RIC1: variants seen among roughly 807,000 people sequenced by gnomAD.
RIC1 encodes guanine nucleotide exchange factor subunit RIC1.
In RIC1, 88 loss-of-function variants were observed where a neutral mutation model predicts 169.0. The observed-to-expected ratio is 0.52, with a 90% confidence interval of 0.44 to 0.62. The LOEUF is 0.62. Among genes scored for constraint, RIC1 ranks in the 20% least tolerant of loss-of-function variants. RIC1 has a pLI of 0.00. For missense variants in RIC1, 1,877 were observed against 1,725.5 expected (o/e 1.09, Z -1.56); for synonymous variants, 790 against 601.5 (o/e 1.31, Z -4.59).
intron 2 of RIC1, among the ~76,000 whole-genome samples, chr9:5,659,370 C>T (rs1033807200): frequency 3.9e-5 from 6 of 152,082 alleles, no homozygotes; most frequent in Non-Finnish European, 8.8e-5. Context: ...GGATATAAGT[C>T]ATGTCAACCC....
In RIC1 at chr9:5,774,220, G is replaced by A. The variant is rs1479556899; in HGVS notation, c.4246G>A (p.Gly1416Arg). The A allele has an allele frequency of 4.3e-6, 7 of 1,612,228 alleles. No individual in the cohort carries two copies. Among genetic ancestry groups the A allele is most frequent in the Non-Finnish European group, 5.9e-6 (7 of 1,179,054 alleles). The part of the protein sequence containing the change: ...QAEEEEPFQD[G>R]TYDCSVS ...AGAGGAGGAAGAACCTTTTCAGGAT[G>A]GGACTTACGACTGTTCTGTGTCCTA... Residue 1416 changes from glycine (G) to arginine (R), a missense_variant, in exon 26 of 26, where the codon GGG becomes AGG. Around this residue, in one of 3 missense-constraint regions of RIC1, gnomAD observed 681 missense variants for 582.0 expected, o/e 1.17. Coordinates refer to ENST00000414202, the MANE Select transcript of RIC1 (RefSeq NM_020829.4).
Position 5,774,659 on chromosome 9 carries a change from C to G in RIC1, c.*413C>G, listed in dbSNP as rs750955765. ...TAAATGCTAAGGTGCTTGCTATAGT[C>G]TGTCAGGTACTTGAGCTACCTGTTT... On this transcript the variant is annotated 3_prime_UTR_variant, in exon 26 of 26. Transcript: ENST00000414202. 1 of 159,978 alleles carries G rather than the reference C, an allele frequency of 6.3e-6. No individual in the cohort carries two copies. Among genetic ancestry groups the G allele is most frequent in the African/African-American group, 2.4e-5 (1 of 41,542 alleles). The allele number at this position is 159,978 out of a possible 1,614,324, so 9.9% of individuals were successfully genotyped here. A position where few individuals can be genotyped will look rare whatever the true frequency, so the allele number is the denominator to read the frequency against.
In RIC1 at chr9:5,773,064, T is replaced by C; in HGVS notation, c.3967T>C (p.Trp1323Arg). 5 of 1,611,956 alleles carry C rather than the reference T, an allele frequency of 3.1e-6. No homozygotes were observed. The highest frequency in any genetic ancestry group is 4.2e-6 in the Non-Finnish European group (5 of 1,178,768). ...IKTGLHAVDR[W>R]ASTDCPGYKP... Reference sequence around the variant, plus strand: ...GACAGGGCTCCATGCAGTGGACCGATGGGCCTCTACAGACTGGTAAGTGCT... The same window carrying C: ...GACAGGGCTCCATGCAGTGGACCGACGGGCCTCTACAGACTGGTAAGTGCT... The change falls in exon 25 of 26, where the codon TGG (tryptophan) becomes CGG (arginine). Residue 1323 changes from tryptophan (W) to arginine (R), a missense_variant. Trp to Arg is a moderately radical substitution (Grantham distance 101, BLOSUM62 -3). Transcript: ENST00000414202.
At chr9:5,698,499 A>G (rs940111310) in intron 3 of RIC1, among the ~76,000 whole-genome samples, 1 of 152,206 alleles carries the variant, frequency 6.6e-6, no homozygotes, top group Non-Finnish European at 1.5e-5. Context: ...TTTTAGTTAC[A>G]AAAGTTAATG....
chr9:5,700,473 G>C (rs898107437), intron 3 of RIC1, among the ~76,000 whole-genome samples: 2 of 151,984 alleles, frequency 1.3e-5, no homozygotes, highest in Admixed American at 1.3e-4. Context: ...AAACTTTTAA[G>C]TTCCATCTAC....
At chr9:5,680,388 A>G (rs900314409) in intron 2 of RIC1, among the ~76,000 whole-genome samples, 10 of 152,116 alleles carry the variant, frequency 6.6e-5, no homozygotes, top group Admixed American at 1.3e-4. Context: ...CTCTTTTTCT[A>G]TTGATTGGAA....
At chr9:5,675,791 C>G (rs1563889317) in intron 2 of RIC1, among the ~76,000 whole-genome samples, 1 of 152,150 alleles carries the variant, frequency 6.6e-6, no homozygotes, top group Non-Finnish European at 1.5e-5. Flanking sequence ...TTTCACTAAA[C>G]TCTTCTTCCT....
At chr9:5,684,275 C>A (rs931037901) in intron 2 of RIC1, among the ~76,000 whole-genome samples, 18 of 1,734 alleles carry the variant, frequency 0.01, 1 homozygote, top group Non-Finnish European at 0.028. Context: ...CTTGGCTCCA[C>A]CCCCCCCCCC....
chr9:5,668,427 A>G (rs67206860), intron 2 of RIC1, among the ~76,000 whole-genome samples: 47,378 of 151,910 alleles, frequency 0.31, 8,292 homozygotes, highest in East Asian at 0.59. Context: ...CCTTTTTGGA[A>G]TTTCTTGGAT....
chr9:5,764,518 T>C (rs1563718481), intron 19 of RIC1, among the ~76,000 whole-genome samples: 1 of 152,226 alleles, frequency 6.6e-6, no homozygotes, highest in Non-Finnish European at 1.5e-5. Flanking sequence ...ACTTAAAGAT[T>C]CTTTCCAGTT....
chr9:5,657,451 C>T (rs1312671383), intron 2 of RIC1, among the ~76,000 whole-genome samples: 2 of 152,044 alleles, frequency 1.3e-5, no homozygotes, highest in African/African-American at 2.4e-5. Context: ...TGGATCATCC[C>T]ATTTAATCTT....
At chr9:5,650,787 A>C (rs1232954513) in intron 1 of RIC1, among the ~76,000 whole-genome samples, 5 of 152,094 alleles carry the variant, frequency 3.3e-5, no homozygotes, top group African/African-American at 1.2e-4. Flanking sequence ...TACCCTCCCC[A>C]GTGCATTGCA....
intron 2 of RIC1, among the ~76,000 whole-genome samples, chr9:5,679,472 G>T (rs546451960): frequency 3.9e-5 from 6 of 152,316 alleles, no homozygotes; most frequent in African/African-American, 1.4e-4. Context: ...CTATCCATGA[G>T]CATGGAAAGT....
chr9:5,630,806 C>G (rs1174853707), intron 1 of RIC1, among the ~76,000 whole-genome samples: 1 of 152,082 alleles, frequency 6.6e-6, no homozygotes, highest in East Asian at 1.9e-4. Flanking sequence ...AAAGTATCAT[C>G]TGGTTCCTAA....
intron 3 of RIC1, among the ~76,000 whole-genome samples, chr9:5,705,201 T>TG (rs1165808874): frequency 9.3e-5 from 14 of 151,152 alleles, no homozygotes; most frequent in Admixed American, 2.6e-4. Context: ...TGTTTTTTTT[T>TG]TTTTTTTTTT....
intron 2 of RIC1, among the ~76,000 whole-genome samples, chr9:5,687,676 T>G (rs1821333070): frequency 6.6e-6 from 1 of 152,218 alleles, no homozygotes; most frequent in South Asian, 2.1e-4. Context: ...TCAGGAAACA[T>G]ATATTATACA....
At chr9:5,639,112 T>G (rs932496771) in intron 1 of RIC1, among the ~76,000 whole-genome samples, 1 of 152,114 alleles carries the variant, frequency 6.6e-6, no homozygotes, top group African/African-American at 2.4e-5. Context: ...TCACCATGTT[T>G]CCCAGGCTGT....
At chr9:5,637,153 G>T (rs1818010081) in intron 1 of RIC1, among the ~76,000 whole-genome samples, 2 of 152,038 alleles carry the variant, frequency 1.3e-5, no homozygotes, top group South Asian at 4.1e-4. Flanking sequence ...TCTGCCTACT[G>T]GGCTCAAGCA....
At chr9:5,637,821 A>G (rs1167483498) in intron 1 of RIC1, among the ~76,000 whole-genome samples, 2 of 152,170 alleles carry the variant, frequency 1.3e-5, no homozygotes, top group Admixed American at 6.5e-5. Context: ...ATAGTACTCC[A>G]TTATGTGCAA....
Sources: gnomAD v4.1 joint callset for allele counts (sites outside exome capture counted in the v4.1 genomes callset) on GRCh38, gnomAD v4.1.1 for gene constraint, gnomAD v4.1.1 regional missense constraint, MANE v1.5 for transcripts, NCBI Gene and HGNC (gene_info 2026-07-23, HGNC 2026-07-21) for gene names.